Variants in ZFYVE1 observed in about 807,000 individuals in gnomAD.
ZFYVE1 encodes the protein zinc finger FYVE-type containing 1, also known as zinc finger FYVE domain-containing protein 1.
A neutral mutation model predicts 74.4 loss-of-function variants in ZFYVE1; 30 were observed. The ratio of observed to expected loss-of-function variants is 0.40; its 90% confidence interval spans 0.30 to 0.55. The LOEUF (loss-of-function observed/expected upper bound fraction) is 0.55. Ranked by LOEUF, ZFYVE1 falls within the 20% of genes least tolerant of loss-of-function variation. ZFYVE1 has a pLI of 0.42. For missense variants in ZFYVE1, 703 were observed against 1,011.6 expected (o/e 0.69, Z 4.14); for synonymous variants, 335 against 385.1 (o/e 0.87, Z 1.52).
intron 2 of ZFYVE1, among the ~76,000 whole-genome samples, chr14:73,012,103 A>C (rs1257412630): frequency 6.6e-6 from 1 of 151,928 alleles, no homozygotes; most frequent in Non-Finnish European, 1.5e-5. Context: ...AATCCCACTG[A>C]TTTAATTTCT....
intron 2 of ZFYVE1, among the ~76,000 whole-genome samples, chr14:72,998,898 G>A (rs1225443911): frequency 2.6e-5 from 4 of 151,164 alleles, no homozygotes; most frequent in Non-Finnish European, 5.9e-5. Context: ...TGACTCAGGA[G>A]TCCAAGACCA....
chr14:72,993,133 G>A lies in ZFYVE1; in HGVS notation c.1203+10C>T, dbSNP rs1309336982. On this transcript the variant is annotated intron_variant, in intron 4 of 11. Transcript: ENST00000556143. Reference sequence around the variant, plus strand: ...CCAATGAGAAGCCCTTGGGGCACAAGCCAACTGACCTTCAGGGCTTTGAAG... The same window carrying A: ...CCAATGAGAAGCCCTTGGGGCACAAACCAACTGACCTTCAGGGCTTTGAAG... 2.5e-6 allele frequency: 4 copies of A among 1,587,030 alleles called. No individual in the cohort carries two copies. The highest frequency in any genetic ancestry group is 2.6e-6 in the Non-Finnish European group (3 of 1,164,024).
intron 2 of ZFYVE1, among the ~76,000 whole-genome samples, chr14:73,002,957 T>G (rs1009417360): frequency 6.6e-6 from 1 of 151,514 alleles, no homozygotes; most frequent in African/African-American, 2.4e-5. Flanking sequence ...TTAGCCAGGA[T>G]GGTCTCAATC....
At chr14:72,973,976 C>T (rs1375448926) in intron 11 of ZFYVE1, 104 bp downstream of exon 11, 5 of 879,828 alleles carry the variant, frequency 5.7e-6, no homozygotes, top group African/African-American at 1.7e-5. Context: ...CTTTACCACC[C>T]ATCTCAATCT....
chr14:72,988,213 C>T (rs1377752726), intron 4 of ZFYVE1, among the ~76,000 whole-genome samples: 15 of 145,090 alleles, frequency 1.0e-4, no homozygotes, highest in African/African-American at 3.4e-4. Flanking sequence ...CTTGCTCTGT[C>T]ACCCAGGCTA....
In ZFYVE1 at chr14:72,971,010, G is replaced by A; in HGVS notation, c.2206C>T (p.His736Tyr). The stretch of plus-strand genomic sequence containing the variant: ...AAGCCCTGTCCGCAGGCCCGGCAGT[G>A]GTGCTTGGAGAGCTTGATGCTGAAC... ...KEFSIKLSKH[H>Y]CRACGQGFCD... The change falls in exon 12 of 12, where the codon CAC (histidine) becomes TAC (tyrosine). Residue 736 changes from histidine to tyrosine, a missense_variant. By Grantham distance (83) the His-to-Tyr change is moderately conservative (BLOSUM62 2). Coordinates refer to ENST00000556143, the MANE Select transcript of ZFYVE1 (RefSeq NM_021260.4). 4 of 1,614,256 alleles carry A rather than the reference G, an allele frequency of 2.5e-6. No homozygotes were observed. Among genetic ancestry groups the A allele is most frequent in the Non-Finnish European group, 3.4e-6 (4 of 1,180,052 alleles).
At chr14:72,984,636 C>A (rs1893431868) in intron 4 of ZFYVE1, among the ~76,000 whole-genome samples, 1 of 152,088 alleles carries the variant, frequency 6.6e-6, no homozygotes, top group South Asian at 2.1e-4. Flanking sequence ...TATAAGTCGG[C>A]CTATACATTT....
chr14:73,014,112 A>T (rs972406991), intron 2 of ZFYVE1, among the ~76,000 whole-genome samples: 10 of 152,186 alleles, frequency 6.6e-5, no homozygotes, highest in Admixed American at 2.6e-4. Context: ...GAAAAAAGAG[A>T]ATCATGCAAA....
intron 3 of ZFYVE1, among the ~76,000 whole-genome samples, chr14:72,996,071 C>T (rs965002348): frequency 2.6e-5 from 4 of 152,104 alleles, no homozygotes; most frequent in African/African-American, 9.7e-5. Flanking sequence ...CTCCATCATT[C>T]CCTCCCACAC....
intron 6 of ZFYVE1, 39 bp from the exon 7 acceptor site, chr14:72,978,273 T>G: frequency 6.2e-7 from 1 of 1,601,202 alleles, no homozygotes; most frequent in Non-Finnish European, 8.5e-7. Flanking sequence ...TTGTTTGTTT[T>G]TTGTTTGTTT....
intron 11 of ZFYVE1, among the ~76,000 whole-genome samples, chr14:72,973,198 G>A (rs1893079721): frequency 6.6e-6 from 1 of 151,884 alleles, no homozygotes; most frequent in Non-Finnish European, 1.5e-5. Context: ...TCAAGAGATG[G>A]GCAGCTTCAG....
intron 4 of ZFYVE1, among the ~76,000 whole-genome samples, chr14:72,983,554 G>C (rs890305448): frequency 6.6e-6 from 1 of 151,974 alleles, no homozygotes; most frequent in Admixed American, 6.6e-5. Flanking sequence ...TGGCTGCATA[G>C]TATTCCATGG....
intron 2 of ZFYVE1, among the ~76,000 whole-genome samples, chr14:73,005,401 A>C (rs1207554728): frequency 6.6e-6 from 1 of 152,202 alleles, no homozygotes; most frequent in Non-Finnish European, 1.5e-5. Flanking sequence ...AGCTCGGCCA[A>C]CTGGCCACCC....
chr14:73,007,595 G>C (rs1894006724), intron 2 of ZFYVE1, among the ~76,000 whole-genome samples: 2 of 151,916 alleles, frequency 1.3e-5, no homozygotes, highest in Admixed American at 1.3e-4. Flanking sequence ...GGCTGGTCTT[G>C]AACTCCTGGC....
Position 73,026,980 on chromosome 14 carries a change from G to T in ZFYVE1, c.-489C>A. On this transcript the variant is annotated 5_prime_UTR_variant, in exon 1 of 12. Transcript: ENST00000556143. ...CGTCGGGGGGCCGCAGGGCGCCAGT[G>T]GGGGCAGAGGCTATTCCTCAGGACA... 2.5e-6 allele frequency: 1 copy of T among 398,786 alleles called. No individual in the cohort carries two copies. The highest frequency in any genetic ancestry group is 1.3e-4 in the South Asian group (1 of 7,858). 24.7% of individuals were successfully genotyped at this position (398,786 alleles called of 1,614,324 possible).
chr14:72,977,851 G>T, intron 8 of ZFYVE1, 76 bp downstream of exon 8: 1 of 1,439,820 alleles, frequency 6.9e-7, no homozygotes, highest in Non-Finnish European at 9.6e-7. Flanking sequence ...ATTTTAAGCA[G>T]GTTCCAGTTT....
At chr14:72,981,473 G>C (rs1893329363) in intron 5 of ZFYVE1, among the ~76,000 whole-genome samples, 1 of 152,040 alleles carries the variant, frequency 6.6e-6, no homozygotes, top group African/African-American at 2.4e-5. Flanking sequence ...CAGAAAAGCA[G>C]GCAACCCAAA....
At chr14:73,005,762 G>A (rs902064219) in intron 2 of ZFYVE1, among the ~76,000 whole-genome samples, 1 of 152,154 alleles carries the variant, frequency 6.6e-6, no homozygotes, top group Non-Finnish European at 1.5e-5. Flanking sequence ...CCAGTCCACT[G>A]GGAAAACACC....
chr14:72,986,974 A>AC (rs776924720), intron 4 of ZFYVE1: 273 of 985,314 alleles, frequency 2.8e-4, no homozygotes, highest in Non-Finnish European at 3.2e-4. Context: ...GGGCCCACCT[A>AC]CCCCAAGAAA....
Sources: gnomAD v4.1 joint callset for allele counts (sites outside exome capture counted in the v4.1 genomes callset) on GRCh38, gnomAD v4.1.1 for gene constraint, MANE v1.5 for transcripts, NCBI Gene and HGNC (gene_info 2026-07-23, HGNC 2026-07-21) for gene names.